Variants in FCHSD2 observed in about 807,000 individuals in gnomAD.
FCHSD2 encodes the protein F-BAR and double SH3 domains protein 2.
FCHSD2 carries 38 observed loss-of-function variants against 108.1 expected under a neutral mutation model. That is an observed-to-expected ratio of 0.35 (90% CI 0.27 to 0.46). The LOEUF (loss-of-function observed/expected upper bound fraction) is 0.46. FCHSD2 is among the 20% of genes least tolerant of loss of function. FCHSD2 has a pLI of 1.00. For synonymous variants in FCHSD2, 279 were observed against 314.7 expected, an observed-to-expected ratio of 0.89 and a Z score of 1.20; for missense variants, 751 against 897.8, an observed-to-expected ratio of 0.84 and a Z score of 2.09.
At chr11:72,945,677 T>C (rs574733763) in intron 8 of FCHSD2, among the ~76,000 whole-genome samples, 12 of 152,254 alleles carry the variant, frequency 7.9e-5, no homozygotes, top group Admixed American at 2.0e-4. Context: ...ATCTAGAATC[T>C]ACAATGAACT....
chr11:72,952,077 C>T (rs796433116), intron 8 of FCHSD2, among the ~76,000 whole-genome samples: 12 of 152,198 alleles, frequency 7.9e-5, no homozygotes, highest in African/African-American at 2.9e-4. Flanking sequence ...ATATGTCTTA[C>T]CAAATGAAGA....
chr11:72,989,573 G>A (rs997568428), intron 5 of FCHSD2, among the ~76,000 whole-genome samples: 1 of 152,148 alleles, frequency 6.6e-6, no homozygotes, highest in Non-Finnish European at 1.5e-5. Context: ...GACTTGGTAA[G>A]TCCAAGGTGA....
At chr11:72,881,438 G>A (rs1192650486) in intron 12 of FCHSD2, among the ~76,000 whole-genome samples, 1 of 152,182 alleles carries the variant, frequency 6.6e-6, no homozygotes, top group African/African-American at 2.4e-5. Flanking sequence ...CACTGTTGGT[G>A]GGAATGTAAA....
In FCHSD2 at chr11:72,989,095, A is replaced by C; in HGVS notation, c.390T>G (p.Cys130Trp). 1 of 1,602,672 alleles carries C rather than the reference A, an allele frequency of 6.2e-7. No individual in the cohort carries two copies. The highest frequency in any genetic ancestry group is 8.5e-7 in the Non-Finnish European group (1 of 1,174,720). ...RSLKEQQLKR[C>W]VDQLTKIQTE... ...TTTGGATCTTTGTCAACTGGTCCAC[A>C]CACTGTAAAATACAAAAGTACAATC... The change falls in exon 6 of 20, where the codon TGT (cysteine) becomes TGG (tryptophan). Residue 130 changes from cysteine to tryptophan, a missense_variant and splice_region_variant. Transcript: ENST00000409418.
intron 9 of FCHSD2, among the ~76,000 whole-genome samples, chr11:72,911,055 A>C (rs1235941469): frequency 6.6e-6 from 1 of 152,168 alleles, no homozygotes; most frequent in African/African-American, 2.4e-5. Flanking sequence ...GGTATTACTC[A>C]ATCTTTGCCT....
At chr11:72,920,114 A>T (rs903751815) in intron 9 of FCHSD2, among the ~76,000 whole-genome samples, 2 of 152,212 alleles carry the variant, frequency 1.3e-5, no homozygotes, top group African/African-American at 4.8e-5. Flanking sequence ...GTAAGACAGT[A>T]GAAATAATGA....
At chr11:73,124,954 ATAAG>A (rs1287643565) in intron 2 of FCHSD2, among the ~76,000 whole-genome samples, 53 of 152,240 alleles carry the variant, frequency 3.5e-4, no homozygotes, top group Non-Finnish European at 5.1e-4. Context: ...GAACAAGTCT[ATAAG>A]TAAGAGCTAA....
At chr11:73,023,850 A>G (rs906353337) in intron 3 of FCHSD2, among the ~76,000 whole-genome samples, 1 of 152,224 alleles carries the variant, frequency 6.6e-6, no homozygotes, top group African/African-American at 2.4e-5. Context: ...ATTAATTCAC[A>G]TAACTTGGAT....
intron 8 of FCHSD2, among the ~76,000 whole-genome samples, chr11:72,926,429 G>A (rs1034806703): frequency 4.6e-5 from 7 of 152,118 alleles, no homozygotes; most frequent in Admixed American, 3.3e-4. Flanking sequence ...AGCTGGAGAC[G>A]ATGGGATGGC....
rs187073173 is a variant in FCHSD2 at position 73,123,435 on chromosome 11, T to C, written c.119+16596A>G. On this transcript the variant is annotated intron_variant, in intron 2 of 19. Transcript: ENST00000409418. ...TCCTTAATTACAAATGAGAATCATATGCTATGGCTTTTTATATATGCGCAG... is the reference window on the plus strand; with the variant it reads ...TCCTTAATTACAAATGAGAATCATACGCTATGGCTTTTTATATATGCGCAG... Among the ~76,000 whole-genome samples the C allele has an allele frequency of 2.8e-3, 424 of 152,326 alleles. 9 individuals carry two copies. The highest frequency in any genetic ancestry group is 6.8e-4 in the Non-Finnish European group (46 of 68,026).
chr11:73,040,975 G>A (rs1858622578), intron 3 of FCHSD2, among the ~76,000 whole-genome samples: 1 of 152,112 alleles, frequency 6.6e-6, no homozygotes, highest in South Asian at 2.1e-4. Context: ...GTGAGAACAT[G>A]TGATATTTGT....
At chr11:72,985,712 ATCT>A (rs1418538924) in intron 6 of FCHSD2, among the ~76,000 whole-genome samples, 3 of 152,024 alleles carry the variant, frequency 2.0e-5, no homozygotes, top group African/African-American at 4.8e-5. Context: ...GTATGATGTA[ATCT>A]TCTCCCACTC....
At chr11:72,989,942 G>C (rs555660055) in intron 5 of FCHSD2, among the ~76,000 whole-genome samples, 1 of 152,294 alleles carries the variant, frequency 6.6e-6, no homozygotes, top group Admixed American at 6.5e-5. Context: ...TATTGTGCAA[G>C]GGTGAATAGT....
At chr11:72,859,165 A>G (rs1188990809) in intron 13 of FCHSD2, among the ~76,000 whole-genome samples, 3 of 152,198 alleles carry the variant, frequency 2.0e-5, no homozygotes, top group East Asian at 1.9e-4. Context: ...CCAGTTACCC[A>G]GTCAACCATG....
chr11:73,113,353 CTTTTTTTT>C (rs35979371), intron 2 of FCHSD2, among the ~76,000 whole-genome samples: 2 of 29,890 alleles, frequency 6.7e-5, no homozygotes, highest in East Asian at 1.2e-3. Context: ...CCAAGATGGT[CTTTTTTTT>C]TTTTTTTTTT....
intron 2 of FCHSD2, among the ~76,000 whole-genome samples, chr11:73,102,820 G>A (rs1860255644): frequency 6.6e-6 from 1 of 152,120 alleles, no homozygotes; most frequent in Non-Finnish European, 1.5e-5. Flanking sequence ...ATAAATTTCT[G>A]TTCTTTATAA....
Position 72,979,128 on chromosome 11 carries a change from G to A in FCHSD2, c.705+4960C>T, listed in dbSNP as rs539380841. Among the ~76,000 whole-genome samples, 16 of 152,192 alleles carry A rather than the reference G, an allele frequency of 1.1e-4. No homozygotes were observed. The South Asian group carries it at 3.3e-3, about 32-fold the overall frequency. ...CCACCTCGGCCTCCCAAGGTGCTGG[G>A]ATTATGGGTGTAAGTCACCATGCCC... On this transcript the variant is annotated intron_variant, in intron 8 of 19. Coordinates refer to ENST00000409418, the MANE Select transcript of FCHSD2 (RefSeq NM_014824.3).
chr11:72,909,288 C>A (rs973712568), intron 9 of FCHSD2, among the ~76,000 whole-genome samples: 1 of 152,152 alleles, frequency 6.6e-6, no homozygotes. Flanking sequence ...CTGCCCGCCT[C>A]GGCCTCCTGA....
chr11:72,984,989 C>G (rs890395901), intron 7 of FCHSD2, 73 bp downstream of exon 7: 11 of 681,610 alleles, frequency 1.6e-5, no homozygotes, highest in Non-Finnish European at 2.6e-5. Context: ...CACCTCCACC[C>G]TCAAAGATCC....
Sources: gnomAD v4.1 joint callset for allele counts (sites outside exome capture counted in the v4.1 genomes callset) on GRCh38, gnomAD v4.1.1 for gene constraint, MANE v1.5 for transcripts, NCBI Gene and HGNC (gene_info 2026-07-23, HGNC 2026-07-21) for gene names.